The following TMEM45B variants were observed in gnomAD, a reference collection of about 807,000 sequenced individuals.
TMEM45B encodes the protein transmembrane protein 45B.
TMEM45B carries 29 observed loss-of-function variants against 27.3 expected under a neutral mutation model. The ratio of observed to expected loss-of-function variants is 1.06; its 90% CI spans 0.79 to 1.45. TMEM45B has a LOEUF of 1.45. Ranked by LOEUF, TMEM45B falls within the 40% of genes most tolerant of loss-of-function variation. The pLI, the probability that TMEM45B is intolerant of heterozygous loss-of-function variation, is 0.00. For synonymous variants in TMEM45B, 143 were observed against 134.7 expected (o/e 1.06, Z -0.43); for missense variants, 348 against 343.9 (o/e 1.01, Z -0.09).
intron 2 of TMEM45B, among the ~76,000 whole-genome samples, chr11:129,854,407 A>C (rs537843451): frequency 6.6e-6 from 1 of 152,316 alleles, no homozygotes; most frequent in East Asian, 1.9e-4. Flanking sequence ...AACAATGGCA[A>C]GATGTCTACA....
At chr11:129,828,584 T>A (rs1180235272) in intron 1 of TMEM45B, among the ~76,000 whole-genome samples, 1 of 152,174 alleles carries the variant, frequency 6.6e-6, no homozygotes, top group Non-Finnish European at 1.5e-5. Context: ...AAGCAGCTCA[T>A]AGAACGTGAA....
intron 1 of TMEM45B, among the ~76,000 whole-genome samples, chr11:129,850,168 T>A (rs1304137673): frequency 1.4e-5 from 2 of 142,678 alleles, no homozygotes; most frequent in South Asian, 2.4e-4. Context: ...TTTGTTGATG[T>A]TGTTGTTGTT....
intron 1 of TMEM45B, among the ~76,000 whole-genome samples, chr11:129,835,898 A>C (rs1947613856): frequency 6.6e-6 from 1 of 152,196 alleles, no homozygotes; most frequent in South Asian, 2.1e-4. Flanking sequence ...CAGGTGGATG[A>C]CCTGAGATCA....
At chr11:129,822,107 C>T (rs1435824939) in intron 1 of TMEM45B, among the ~76,000 whole-genome samples, 1 of 152,024 alleles carries the variant, frequency 6.6e-6, no homozygotes, top group Non-Finnish European at 1.5e-5. Flanking sequence ...AATAAATCTT[C>T]CAACAATGCT....
At chr11:129,825,826 GTGGCC>G (rs1947471069) in intron 1 of TMEM45B, among the ~76,000 whole-genome samples, 1 of 152,186 alleles carries the variant, frequency 6.6e-6, no homozygotes, top group African/African-American at 2.4e-5. Context: ...ATGTTCCTTA[GTGGCC>G]TGGCATCTTG....
intron 1 of TMEM45B, among the ~76,000 whole-genome samples, chr11:129,817,298 A>G (rs1450852044): frequency 6.6e-6 from 1 of 152,192 alleles, no homozygotes; most frequent in African/African-American, 2.4e-5. Flanking sequence ...GAAGTTATGG[A>G]AAGAATCAGG....
chr11:129,857,236 G>C, intron 4 of TMEM45B, 77 bp from the exon 5 acceptor site: 2 of 1,553,368 alleles, frequency 1.3e-6, no homozygotes, highest in Non-Finnish European at 8.8e-7. Flanking sequence ...GGGCCACTTC[G>C]GTGGCCACAG....
chr11:129,841,754 G>A (rs1420855995), intron 1 of TMEM45B, among the ~76,000 whole-genome samples: 1 of 151,560 alleles, frequency 6.6e-6, no homozygotes, highest in Admixed American at 6.6e-5. Flanking sequence ...CCACTACCAC[G>A]CCCGGCTAAT....
intron 1 of TMEM45B, among the ~76,000 whole-genome samples, chr11:129,824,271 C>G (rs1434043532): frequency 3.9e-5 from 6 of 152,174 alleles, no homozygotes; most frequent in Non-Finnish European, 7.3e-5. Context: ...GTCTAAACTC[C>G]CAGGGACCTG....
At chr11:129,851,484 T>A (rs1233287354) in intron 1 of TMEM45B, among the ~76,000 whole-genome samples, 2 of 135,122 alleles carry the variant, frequency 1.5e-5, no homozygotes, top group Non-Finnish European at 3.1e-5. Flanking sequence ...GCAGAGGTTG[T>A]AGTGAGCCAA....
At chr11:129,826,711 C>CT (rs199652269) in intron 1 of TMEM45B, among the ~76,000 whole-genome samples, 61,165 of 135,360 alleles carry the variant, frequency 0.45, 14,295 homozygotes, top group Middle Eastern at 0.54. Flanking sequence ...ATTTGTTTTT[C>CT]TTTTTTTTTT....
Position 129,855,772 on chromosome 11 carries a change from G to A in TMEM45B, c.450G>A (p.Leu150=). The change falls in exon 4 of 6, where the codon CTG becomes CTA. Residue 150 remains leucine, a synonymous_variant. Transcript: ENST00000281441. ...PPLDQHIHSL[L]LYALFGGCVS... ...TGGACCAGCACATCCACTCACTCCT[G>A]CTGTATGCTCTGTTCGGAGGGTGTG... 6.2e-7 allele frequency: 1 copy of A among 1,614,136 alleles called. No individual in the cohort carries two copies. The highest frequency in any genetic ancestry group is 8.5e-7 in the Non-Finnish European group (1 of 1,180,038).
Position 129,834,435 on chromosome 11 carries a change from GAA to G in TMEM45B, c.-8-18030_-8-18029del, listed in dbSNP as rs35071607. ...AATAGAGCGAGACTCAGTCTCAAAG[GAA>G]AAAAAAAAACAGCAACAGAAATGTG... is the stretch of plus-strand genomic sequence containing the variant. On this transcript the variant is annotated intron_variant, in intron 1 of 5. Transcript: ENST00000281441. 3.6e-3 allele frequency among the ~76,000 whole-genome samples: 528 copies of G among 147,626 alleles called. 3 individuals are homozygous for G. The highest frequency in any genetic ancestry group is 0.011 in the East Asian group (54 of 4,976).
At chr11:129,835,405 T>C (rs560153952) in intron 1 of TMEM45B, among the ~76,000 whole-genome samples, 6 of 152,266 alleles carry the variant, frequency 3.9e-5, no homozygotes, top group South Asian at 4.1e-4. Flanking sequence ...CCCCTGTGGA[T>C]TGCATAGGAG....
At chr11:129,827,902 G>A (rs545473618) in intron 1 of TMEM45B, among the ~76,000 whole-genome samples, 20 of 152,250 alleles carry the variant, frequency 1.3e-4, no homozygotes, top group Admixed American at 7.2e-4. Context: ...CCCTGGGGGC[G>A]GAGGTTGCAG....
intron 1 of TMEM45B, among the ~76,000 whole-genome samples, chr11:129,850,032 T>C (rs1947823142): frequency 6.6e-6 from 1 of 152,214 alleles, no homozygotes; most frequent in Non-Finnish European, 1.5e-5. Flanking sequence ...CGTGGTTTTC[T>C]CTCCTACACA....
At chr11:129,843,911 A>G (rs1373650921) in intron 1 of TMEM45B, among the ~76,000 whole-genome samples, 2 of 152,216 alleles carry the variant, frequency 1.3e-5, no homozygotes, top group Non-Finnish European at 2.9e-5. Context: ...TTAAAAATAG[A>G]GCTACCCTAT....
At chr11:129,816,913 ATT>A (rs35094646) in intron 1 of TMEM45B, among the ~76,000 whole-genome samples, 53 of 135,650 alleles carry the variant, frequency 3.9e-4, no homozygotes, top group Middle Eastern at 3.7e-3. Flanking sequence ...AATTTTTTGT[ATT>A]TTTTTTTTTT....
rs190635703 is a variant in TMEM45B at position 129,849,834 on chromosome 11, C to G, written c.-8-2641C>G. ...GGCCCTTCCCCTGAAACTGTTCTGC[C>G]GCAAGGCTCTAACCCTCTGGGCCTC... On this transcript the variant is annotated intron_variant, in intron 1 of 5. Transcript: ENST00000281441. 7.2e-5 allele frequency among the ~76,000 whole-genome samples: 11 copies of G among 152,166 alleles called. 1 individual carries two copies. The highest frequency in any genetic ancestry group is 1.5e-4 in the Non-Finnish European group (10 of 68,030).
Sources: gnomAD v4.1 joint callset for allele counts (sites outside exome capture counted in the v4.1 genomes callset) on GRCh38, gnomAD v4.1.1 for gene constraint, MANE v1.5 for transcripts, NCBI Gene and HGNC (gene_info 2026-07-23, HGNC 2026-07-21) for gene names.